RASAL2: variants seen among roughly 807,000 people sequenced by gnomAD.
The protein encoded by RASAL2 is RAS protein activator like 2.
RASAL2 carries 58 observed loss-of-function variants against 128.9 expected under a neutral mutation model. That is an observed-to-expected ratio of 0.45 (90% CI 0.36 to 0.56). RASAL2 has a LOEUF of 0.56. RASAL2 is among the 20% of genes least tolerant of loss of function. RASAL2 has a pLI of 0.00. For missense variants in RASAL2, 1,360 were observed against 1,601.6 expected, an observed-to-expected ratio of 0.85 and a Z score of 2.57; for synonymous variants, 561 against 580.8, an observed-to-expected ratio of 0.97 and a Z score of 0.49.
At chr1:178,179,230 G>C (rs553149383) in intron 1 of RASAL2, among the ~76,000 whole-genome samples, 2 of 152,314 alleles carry the variant, frequency 1.3e-5, no homozygotes, top group East Asian at 3.9e-4. Flanking sequence ...CTACCAGCCT[G>C]AAGTCAGTGA....
chr1:178,386,693 T>C (rs1311441654), intron 3 of RASAL2, among the ~76,000 whole-genome samples: 1 of 152,228 alleles, frequency 6.6e-6, no homozygotes, highest in Non-Finnish European at 1.5e-5. Flanking sequence ...AACAATACTG[T>C]ATCTCTCTTG....
Position 178,458,081 on chromosome 1 carries a change from A to G in RASAL2, c.2789A>G (p.Asn930Ser), listed in dbSNP as rs749533642. Residue 930 changes from asparagine (N) to serine (S), a missense_variant, in exon 14 of 18, where the codon AAT becomes AGT. Physicochemically the swap from Asn to Ser is conservative, Grantham distance 46 (BLOSUM62 1). Coordinates refer to ENST00000367649, the MANE Select transcript of RASAL2 (RefSeq NM_170692.4). Reference protein sequence around the residue: ...LSFQNPVYHLNNPIPAMPKAS... With the variant: ...LSFQNPVYHLSNPIPAMPKAS... ...TTCCAGAACCCTGTCTATCACCTCA[A>G]TAACCCAATTCCAGCAATGCCAAAG... 24 of 1,614,034 alleles carry G rather than the reference A, an allele frequency of 1.5e-5. No homozygotes were observed. The Middle Eastern group carries it at 6.6e-4, about 44-fold the overall frequency.
chr1:178,431,714 G>A (rs1382706089), intron 5 of RASAL2, among the ~76,000 whole-genome samples: 1 of 151,754 alleles, frequency 6.6e-6, no homozygotes, highest in Non-Finnish European at 1.5e-5. Context: ...TCATGTAAAG[G>A]AATACTATGT....
chr1:178,121,598 G>T (rs1377676820), intron 1 of RASAL2, among the ~76,000 whole-genome samples: 1 of 151,884 alleles, frequency 6.6e-6, no homozygotes, highest in Non-Finnish European at 1.5e-5. Flanking sequence ...TGATTCTCCT[G>T]CCTCAGCCTC....
intron 14 of RASAL2, among the ~76,000 whole-genome samples, chr1:178,464,014 C>T (rs16852858): frequency 0.045 from 6,901 of 152,212 alleles, 526 homozygotes; most frequent in African/African-American, 0.15. Flanking sequence ...AATTTTAAGG[C>T]TTTGACTTTC....
At position 178,473,062 on chromosome 1, in the gene RASAL2, T is replaced by A; in HGVS notation, c.3679-13T>A. On this transcript the variant is annotated splice_polypyrimidine_tract_variant and intron_variant, in intron 17 of 17. Transcript: ENST00000367649. Reference sequence around the variant, plus strand: ...CCTGTAGCCTGAATAAAGCCATGATTGGTGTGTTGTAGGAAAAACGGATCG... The same window carrying A: ...CCTGTAGCCTGAATAAAGCCATGATAGGTGTGTTGTAGGAAAAACGGATCG... 6.2e-7 allele frequency: 1 copy of A among 1,613,906 alleles called. No homozygotes were observed. The highest frequency in any genetic ancestry group is 1.3e-5 in the African/African-American group (1 of 75,038).
intron 1 of RASAL2, among the ~76,000 whole-genome samples, chr1:178,108,910 G>A (rs1278287788): frequency 6.6e-6 from 1 of 152,100 alleles, no homozygotes; most frequent in African/African-American, 2.4e-5. Flanking sequence ...GAATAGTTTT[G>A]TATTTAAAAA....
At chr1:178,196,470 C>T (rs1273590837) in intron 1 of RASAL2, among the ~76,000 whole-genome samples, 1 of 152,132 alleles carries the variant, frequency 6.6e-6, no homozygotes, top group Non-Finnish European at 1.5e-5. Flanking sequence ...AATCAACCAA[C>T]CATGGATTGA....
intron 1 of RASAL2, among the ~76,000 whole-genome samples, chr1:178,107,714 A>G (rs1659149280): frequency 6.6e-6 from 1 of 152,154 alleles, no homozygotes; most frequent in East Asian, 1.9e-4. Context: ...GTGAAATCAT[A>G]CATTTGTCCT....
intron 1 of RASAL2, among the ~76,000 whole-genome samples, chr1:178,121,788 TTTG>T (rs1218049928): frequency 6.6e-6 from 1 of 152,100 alleles, no homozygotes; most frequent in African/African-American, 2.4e-5. Flanking sequence ...GCCCAGCCCA[TTTG>T]TTGTTGTTAT....
At chr1:178,370,626 T>A (rs1460621743) in intron 3 of RASAL2, among the ~76,000 whole-genome samples, 3 of 152,178 alleles carry the variant, frequency 2.0e-5, no homozygotes, top group Non-Finnish European at 4.4e-5. Context: ...TTAAATGAGG[T>A]CCTAAAATAT....
chr1:178,155,968 C>T (rs1488418143), intron 1 of RASAL2, among the ~76,000 whole-genome samples: 1 of 152,060 alleles, frequency 6.6e-6, no homozygotes, highest in African/African-American at 2.4e-5. Flanking sequence ...GCTCTTCCCC[C>T]GACAACCCCA....
intron 1 of RASAL2, among the ~76,000 whole-genome samples, chr1:178,172,062 G>C (rs893353533): frequency 6.6e-5 from 10 of 151,724 alleles, no homozygotes; most frequent in Admixed American, 5.9e-4. Flanking sequence ...CTTGGGCCAG[G>C]ACAAGGCCTA....
chr1:178,117,438 G>A (rs946004423), intron 1 of RASAL2, among the ~76,000 whole-genome samples: 2 of 152,206 alleles, frequency 1.3e-5, no homozygotes, highest in African/African-American at 4.8e-5. Context: ...TGTTTAAAAT[G>A]TACTTTGAAG....
intron 4 of RASAL2, among the ~76,000 whole-genome samples, chr1:178,417,871 T>G (rs1190938510): frequency 6.6e-6 from 1 of 152,084 alleles, no homozygotes; most frequent in Non-Finnish European, 1.5e-5. Context: ...TGTATTTTCA[T>G]TAGAAATATA....
intron 1 of RASAL2, among the ~76,000 whole-genome samples, chr1:178,258,293 C>CAG (rs1445314925): frequency 1.4e-5 from 1 of 69,406 alleles, no homozygotes; most frequent in Non-Finnish European, 3.0e-5. Flanking sequence ...GACTGCATCT[C>CAG]AAAAAAAAAA....
intron 1 of RASAL2, among the ~76,000 whole-genome samples, chr1:178,227,207 A>C (rs968765299): frequency 1.8e-4 from 27 of 152,078 alleles, no homozygotes; most frequent in Non-Finnish European, 2.6e-4. Context: ...AAAAAAAAAA[A>C]CACCCTATTT....
At chr1:178,441,104 G>A (rs1676617677) in intron 6 of RASAL2, among the ~76,000 whole-genome samples, 1 of 132,270 alleles carries the variant, frequency 7.6e-6, no homozygotes, top group Admixed American at 7.8e-5. Context: ...AAATGGATGT[G>A]GATGCTACCT....
intron 1 of RASAL2, among the ~76,000 whole-genome samples, chr1:178,191,848 G>A (rs1005617965): frequency 2.0e-5 from 3 of 152,112 alleles, no homozygotes; most frequent in African/African-American, 4.8e-5. Context: ...AATAAAAAAC[G>A]AATGAATTGT....
Sources: gnomAD v4.1 joint callset for allele counts (sites outside exome capture counted in the v4.1 genomes callset) on GRCh38, gnomAD v4.1.1 for gene constraint, MANE v1.5 for transcripts, NCBI Gene and HGNC (gene_info 2026-07-23, HGNC 2026-07-21) for gene names.